Variants in CNTNAP5 observed in about 807,000 individuals in gnomAD.
The protein encoded by CNTNAP5 is contactin associated protein family member 5, also known as contactin-associated protein-like 5.
A neutral mutation model predicts 150.2 loss-of-function variants in CNTNAP5; 72 were observed. The observed-to-expected ratio is 0.48, with a 90% confidence interval of 0.40 to 0.58. The LOEUF is 0.58. CNTNAP5 is among the 20% of genes least tolerant of loss of function. The pLI, the probability that CNTNAP5 is intolerant of heterozygous loss-of-function variation, is 0.00. For missense variants in CNTNAP5, 1,636 were observed against 1,626.2 expected (o/e 1.01, Z -0.10); for synonymous variants, 672 against 619.8 (o/e 1.08, Z -1.25).
Position 124,869,767 on chromosome 2 carries a change from G to A in CNTNAP5, c.3436+5G>A, listed in dbSNP as rs745469297. On this transcript the variant is annotated splice_donor_5th_base_variant and intron_variant, in intron 21 of 23. Coordinates refer to ENST00000682447, the MANE Select transcript of CNTNAP5 (RefSeq NM_001367498.1). ...TCACCTTGGGCAAAGTCACAGGTATGTTGTTCTAGTTCATACCTTTCCAGT... is the reference window on the plus strand; with the variant it reads ...TCACCTTGGGCAAAGTCACAGGTATATTGTTCTAGTTCATACCTTTCCAGT... 3.2e-6 allele frequency: 5 copies of A among 1,551,794 alleles called. No homozygotes were observed. The highest frequency in any genetic ancestry group is 3.6e-6 in the Non-Finnish European group (4 of 1,124,232).
At chr2:124,660,040 AAGAAAGG>A (rs1253769108) in intron 13 of CNTNAP5, among the ~76,000 whole-genome samples, 43 of 54,392 alleles carry the variant, frequency 7.9e-4, no homozygotes, top group African/African-American at 1.6e-3. Flanking sequence ...GGAAGGAAGG[AAGAAAGG>A]AAGGAAGGAA....
chr2:124,035,010 TC>T (rs1161097809), intron 1 of CNTNAP5, among the ~76,000 whole-genome samples: 1,767 of 31,972 alleles, frequency 0.055, 32 homozygotes, highest in African/African-American at 0.15. Flanking sequence ...TCCCCTCCCC[TC>T]CCCTCCCTCC....
At chr2:124,545,776 G>C (rs1032555421) in intron 10 of CNTNAP5, among the ~76,000 whole-genome samples, 1 of 152,084 alleles carries the variant, frequency 6.6e-6, no homozygotes, top group Non-Finnish European at 1.5e-5. Context: ...CAAAGCTAAG[G>C]ATGGGTTACA....
intron 1 of CNTNAP5, among the ~76,000 whole-genome samples, chr2:124,096,507 C>T (rs1682936555): frequency 6.6e-6 from 1 of 152,100 alleles, no homozygotes; most frequent in Admixed American, 6.5e-5. Context: ...GCACTTCCTT[C>T]ATATTCTATG....
intron 21 of CNTNAP5, among the ~76,000 whole-genome samples, chr2:124,881,795 A>G (rs1020120871): frequency 2.6e-5 from 4 of 152,056 alleles, no homozygotes; most frequent in African/African-American, 4.8e-5. Flanking sequence ...GAAGGCAGGA[A>G]CATTTTGTTG....
At chr2:124,791,482 T>C (rs1255858299) in intron 18 of CNTNAP5, among the ~76,000 whole-genome samples, 1 of 152,154 alleles carries the variant, frequency 6.6e-6, no homozygotes, top group African/African-American at 2.4e-5. Flanking sequence ...GAAGTGTGAA[T>C]GCTTCCCTTT....
rs184840224 is a variant in CNTNAP5 at position 124,484,728 on chromosome 2, G to A, written c.1062+9846G>A. Among the ~76,000 whole-genome samples, 22 of 152,266 alleles carry A rather than the reference G, an allele frequency of 1.4e-4. No homozygotes were observed. The East Asian group carries it at 1.7e-3, about 12-fold the overall frequency. On this transcript the variant is annotated intron_variant, in intron 7 of 23. Transcript: ENST00000682447. ...TAGAAGTACAACACTAAAGGTTATA[G>A]ATCAGTGATTATTAGTATTTTATAG...
rs567677078 is a variant in CNTNAP5, at chr2:124,757,927, G to A, written c.2235-5745G>A. ...CCACTTTATAAATATTTTGGTATTGGGACTTTGCCTGTGAGAGGTAGAGAC... is the reference window on the plus strand; with the variant it reads ...CCACTTTATAAATATTTTGGTATTGAGACTTTGCCTGTGAGAGGTAGAGAC... On this transcript the variant is annotated intron_variant, in intron 14 of 23. Coordinates refer to ENST00000682447, the MANE Select transcript of CNTNAP5 (RefSeq NM_001367498.1). Among the ~76,000 whole-genome samples the A allele has an allele frequency of 1.5e-4, 23 of 152,234 alleles. No homozygotes were observed. The South Asian group carries it at 3.7e-3, about 25-fold the overall frequency.
chr2:124,620,990 A>G (rs1677603398), intron 12 of CNTNAP5, among the ~76,000 whole-genome samples: 1 of 152,150 alleles, frequency 6.6e-6, no homozygotes, highest in African/African-American at 2.4e-5. Flanking sequence ...GAGATTTCAG[A>G]GGCTCTTGGA....
At chr2:124,444,063 A>G (rs533315313) in intron 5 of CNTNAP5, among the ~76,000 whole-genome samples, 1 of 152,152 alleles carries the variant, frequency 6.6e-6, no homozygotes, top group African/African-American at 2.4e-5. Flanking sequence ...CTCCTGAGTC[A>G]TTTCATTTTA....
chr2:124,361,344 G>C (rs1232050343), intron 3 of CNTNAP5, among the ~76,000 whole-genome samples: 1 of 144,758 alleles, frequency 6.9e-6, no homozygotes, highest in Non-Finnish European at 1.5e-5. Context: ...TTGTTCCGTT[G>C]CTGGTGAGGA....
chr2:124,789,994 G>A lies in CNTNAP5; in HGVS notation c.2845G>A (p.Val949Ile). 2 of 1,613,942 alleles carry A rather than the reference G, an allele frequency of 1.2e-6. No homozygotes were observed. Among genetic ancestry groups the A allele is most frequent in the East Asian group, 2.2e-5 (1 of 44,864 alleles). Residue 949 changes from valine to isoleucine, a missense_variant, in exon 18 of 24, where the codon GTC becomes ATC. Val to Ile is a conservative substitution (Grantham distance 29). Coordinates refer to ENST00000682447, the MANE Select transcript of CNTNAP5 (RefSeq NM_001367498.1). ...AATGGACCTGGAAGAGAGGGCAAAG[G>A]TCACATCTGGAGTCAGGCCAGGCTG... The part of the protein sequence containing the change: ...QKMDLEERAK[V>I]TSGVRPGCPG...
intron 21 of CNTNAP5, among the ~76,000 whole-genome samples, chr2:124,885,533 C>T (rs1458946609): frequency 6.8e-6 from 1 of 147,216 alleles, no homozygotes; most frequent in Non-Finnish European, 1.5e-5. Flanking sequence ...TTCTATCTAG[C>T]TCCAAAACAT....
chr2:124,842,794 C>T (rs1682970380), intron 19 of CNTNAP5, among the ~76,000 whole-genome samples: 1 of 152,064 alleles, frequency 6.6e-6, no homozygotes, highest in South Asian at 2.1e-4. Context: ...AGAAATGAAT[C>T]GAGCCCTAGA....
chr2:124,654,806 C>A (rs1678406289), intron 13 of CNTNAP5, among the ~76,000 whole-genome samples: 1 of 152,012 alleles, frequency 6.6e-6, no homozygotes, highest in Admixed American at 6.6e-5. Context: ...TAAACATACA[C>A]AAATATGTGG....
intron 12 of CNTNAP5, among the ~76,000 whole-genome samples, chr2:124,625,917 G>A (rs1677711588): frequency 1.3e-5 from 2 of 152,114 alleles, no homozygotes; most frequent in African/African-American, 4.8e-5. Context: ...CTTGACAATG[G>A]AATCCTGGTC....
chr2:124,192,298 C>T (rs938448005), intron 1 of CNTNAP5, among the ~76,000 whole-genome samples: 2 of 152,142 alleles, frequency 1.3e-5, no homozygotes, highest in Non-Finnish European at 2.9e-5. Context: ...CACAGTTGGC[C>T]TCTTCTCCCT....
rs117532744 is a variant in CNTNAP5, at chr2:124,494,205, G to A, written c.1063-10087G>A. On this transcript the variant is annotated intron_variant, in intron 7 of 23. Transcript: ENST00000682447. Reference sequence around the variant, plus strand: ...GTGGAGACACTGGGATGTTTATAGCGTGACTAACTCCAAGTTTGAAGGCTG... The same window carrying A: ...GTGGAGACACTGGGATGTTTATAGCATGACTAACTCCAAGTTTGAAGGCTG... 3.5e-4 allele frequency among the ~76,000 whole-genome samples: 53 copies of A among 152,076 alleles called. 1 individual carries two copies. The East Asian group carries it at 6.7e-3, about 19-fold the overall frequency.
intron 13 of CNTNAP5, among the ~76,000 whole-genome samples, chr2:124,705,294 G>A (rs12479398): frequency 0.16 from 24,748 of 152,012 alleles, 2,286 homozygotes; most frequent in East Asian, 0.24. Flanking sequence ...TTGGGAGGCC[G>A]AGGCAGGGGG....
Sources: gnomAD v4.1 joint callset for allele counts (sites outside exome capture counted in the v4.1 genomes callset) on GRCh38, gnomAD v4.1.1 for gene constraint, MANE v1.5 for transcripts, NCBI Gene and HGNC (gene_info 2026-07-23, HGNC 2026-07-21) for gene names.